PYHIN1: variants seen among roughly 807,000 people sequenced by gnomAD.
PYHIN1 encodes pyrin and HIN domain family member 1, also known as pyrin and HIN domain-containing protein 1.
A neutral mutation model predicts 43.7 loss-of-function variants in PYHIN1; 32 were observed. The ratio of observed to expected loss-of-function variants is 0.73; its 90% CI spans 0.55 to 0.98. The LOEUF is 0.98. Among genes scored for constraint, PYHIN1 ranks in the 50% least tolerant of loss-of-function variants. PYHIN1 has a pLI of 0.00. For missense variants in PYHIN1, 588 were observed against 589.5 expected, an observed-to-expected ratio of 1.00 and a Z score of 0.03; for synonymous variants, 205 against 203.1, an observed-to-expected ratio of 1.01 and a Z score of -0.08.
chr1:158,940,147 A>C (rs1255270958), intron 4 of PYHIN1: 1 of 152,148 alleles, frequency 6.6e-6, no homozygotes, highest in East Asian at 1.9e-4. Flanking sequence ...AATTGCTTGA[A>C]CCAGGGAGGT....
Position 158,975,105 on chromosome 1 carries a change from T to C in PYHIN1, c.*5+1334T>C, listed in dbSNP as rs142079677. Reference sequence around the variant, plus strand: ...TGTCTCCTACACCTAACCTCCCATATAGCCATTTCTTCTTTGATATCTAGC... The same window carrying C: ...TGTCTCCTACACCTAACCTCCCATACAGCCATTTCTTCTTTGATATCTAGC... On this transcript the variant is annotated intron_variant, in intron 8 of 8. Coordinates refer to ENST00000368140, the MANE Select transcript of PYHIN1 (RefSeq NM_152501.5). 3.3e-5 allele frequency among the ~76,000 whole-genome samples: 5 copies of C among 152,138 alleles called. No homozygotes were observed. The East Asian group carries it at 7.7e-4, about 24-fold the overall frequency.
At chr1:158,963,380 G>A (rs1236386432) in intron 7 of PYHIN1, among the ~76,000 whole-genome samples, 4 of 152,050 alleles carry the variant, frequency 2.6e-5, no homozygotes, top group Non-Finnish European at 5.9e-5. Context: ...GTTTCTCTGG[G>A]GTGGACCACC....
chr1:158,935,330 A>T lies in PYHIN1; in HGVS notation c.-20-1561A>T, dbSNP rs1388780285. Among the ~76,000 whole-genome samples the T allele has an allele frequency of 2.0e-5, 3 of 152,230 alleles. No individual in the cohort carries two copies. In the South Asian group the frequency reaches 6.2e-4, roughly 32 times the overall value. On this transcript the variant is annotated intron_variant, in intron 1 of 8. Coordinates refer to ENST00000368140, the MANE Select transcript of PYHIN1 (RefSeq NM_152501.5). ...AAAAAAAAGAATGCAGATTATTCAA[A>T]GTCTTCTGAAACAATACAAGAAGCA...
At chr1:158,975,187 T>A (rs1651184199) in intron 8 of PYHIN1, among the ~76,000 whole-genome samples, 1 of 152,040 alleles carries the variant, frequency 6.6e-6, no homozygotes, top group African/African-American at 2.4e-5. Flanking sequence ...ATTCACTAGC[T>A]CTGAAAGAAG....
chr1:158,939,584 A>G (rs1193944819), intron 4 of PYHIN1: 2 of 1,423,266 alleles, frequency 1.4e-6, no homozygotes, highest in Non-Finnish European at 1.9e-6. Context: ...TCTCTGACAT[A>G]CACCATGCTC....
Position 158,933,817 on chromosome 1 carries a change from G to C in PYHIN1, c.-21+2041G>C, listed in dbSNP as rs1017303845. On this transcript the variant is annotated intron_variant, in intron 1 of 8. Coordinates refer to ENST00000368140, the MANE Select transcript of PYHIN1 (RefSeq NM_152501.5). The surrounding 1 kb of genome is among the most constrained non-coding windows in gnomAD (Gnocchi z 6.3). Reference sequence around the variant, plus strand: ...TTTCTGTTTCTCTTTTCTTTGATCAGGGCTTTCTTTTTAAGTCATAGGCAC... The same window carrying C: ...TTTCTGTTTCTCTTTTCTTTGATCACGGCTTTCTTTTTAAGTCATAGGCAC... 6.6e-6 allele frequency among the ~76,000 whole-genome samples: 1 copy of C among 151,652 alleles called. No individual in the cohort carries two copies. Among genetic ancestry groups the C allele is most frequent in the African/African-American group, 2.4e-5 (1 of 41,302 alleles).
Position 158,967,577 on chromosome 1 carries a change from G to T in PYHIN1, c.1360-6070G>T, listed in dbSNP as rs184126509. Among the ~76,000 whole-genome samples, 57 of 152,100 alleles carry T rather than the reference G, an allele frequency of 3.7e-4. No homozygotes were observed. The East Asian group carries it at 9.3e-3, about 25-fold the overall frequency. ...CAAACTACCAATGACATTCTTCACA[G>T]AATTAGAAAACACGATTTTAAAATT... is the stretch of plus-strand genomic sequence containing the variant. On this transcript the variant is annotated intron_variant, in intron 7 of 8. Transcript: ENST00000368140.
At chr1:158,936,823 T>C in intron 1 of PYHIN1, 68 bp from the exon 2 acceptor site, 2 of 1,036,906 alleles carry the variant, frequency 1.9e-6, no homozygotes, top group Admixed American at 2.9e-5. Flanking sequence ...CTTATTCACA[T>C]AGGCATACAT....
intron 7 of PYHIN1, among the ~76,000 whole-genome samples, chr1:158,950,230 C>G (rs929772974): frequency 3.3e-5 from 5 of 152,176 alleles, no homozygotes; most frequent in Admixed American, 6.5e-5. Flanking sequence ...GAACAATACC[C>G]TAAGTGATTT....
rs1269323471 is a variant in PYHIN1 at position 158,957,298 on chromosome 1, G to T, written c.1359+12256G>T. On this transcript the variant is annotated intron_variant, in intron 7 of 8. Transcript: ENST00000368140. ...CCAAAAAAGAGCCCGCATTGCCAAGGCAATCCTAAGCCAAAAGAACAAAGC... is the reference window on the plus strand; with the variant it reads ...CCAAAAAAGAGCCCGCATTGCCAAGTCAATCCTAAGCCAAAAGAACAAAGC... Among the ~76,000 whole-genome samples, 10 of 151,304 alleles carry T rather than the reference G, an allele frequency of 6.6e-5. No individual in the cohort carries two copies. The East Asian group carries it at 7.8e-4, about 12-fold the overall frequency.
At chr1:158,973,593 C>A (rs1026734087) in intron 7 of PYHIN1, 54 bp from the exon 8 acceptor site, 18 of 1,592,006 alleles carry the variant, frequency 1.1e-5, no homozygotes, top group South Asian at 9.9e-5. Context: ...CAGAAAAAAC[C>A]AGTTCTTTCT....
chr1:158,953,028 T>A (rs1649660560), intron 7 of PYHIN1, among the ~76,000 whole-genome samples: 1 of 152,178 alleles, frequency 6.6e-6, no homozygotes, highest in Admixed American at 6.5e-5. Flanking sequence ...CCCACCCGAA[T>A]ATTGCGCTTT....
rs145640162 is a variant in PYHIN1 at position 158,976,868 on chromosome 1, CTATATATATATA to C, written c.*210_*221del. ...TATGTATATATATCTGGTTGAAATACTATATATATATATATATATATATATATATATATATAT... is the reference window on the plus strand; with the variant it reads ...TATGTATATATATCTGGTTGAAATACTATATATATATATATATATATATAT... On this transcript the variant is annotated 3_prime_UTR_variant, in exon 9 of 9. Coordinates refer to ENST00000368140, the MANE Select transcript of PYHIN1 (RefSeq NM_152501.5). 130 of 232,122 alleles carry C rather than the reference CTATATATATATA, an allele frequency of 5.6e-4. No homozygotes were observed. The highest frequency in any genetic ancestry group is 2.8e-3 in the African/African-American group (98 of 34,508). The allele number at this position is 232,122 out of a possible 1,614,324, so 14.4% of individuals were successfully genotyped here. A position where few individuals can be genotyped will look rare whatever the true frequency, so the allele number is the denominator to read the frequency against.
chr1:158,953,803 G>A (rs1272009118), intron 7 of PYHIN1, among the ~76,000 whole-genome samples: 1 of 151,768 alleles, frequency 6.6e-6, no homozygotes. Flanking sequence ...AAATTACTCT[G>A]AGCTATGGGA....
intron 8 of PYHIN1, among the ~76,000 whole-genome samples, chr1:158,976,383 A>T (rs1209281847): frequency 2.0e-5 from 3 of 152,006 alleles, no homozygotes; most frequent in African/African-American, 7.2e-5. Flanking sequence ...CCCAATGAGA[A>T]GTTTCCCTTT....
downstream of PYHIN1, among the ~76,000 whole-genome samples, chr1:158,980,518 G>A (rs1003564255): frequency 1.3e-5 from 2 of 152,068 alleles, no homozygotes; most frequent in African/African-American, 4.8e-5. Context: ...GGAATGGAAT[G>A]CGTTCCTGGG....
At chr1:158,982,219 T>A in the PYHIN1 span, among the ~76,000 whole-genome samples, 1 of 152,194 alleles carries the variant, frequency 6.6e-6, no homozygotes, top group Admixed American at 6.5e-5. Context: ...CCAAGGCTAA[T>A]GTCCAGAATA....
At chr1:158,982,277 T>C in the PYHIN1 span, among the ~76,000 whole-genome samples, 18 of 152,034 alleles carry the variant, frequency 1.2e-4, no homozygotes, top group East Asian at 3.5e-3. Flanking sequence ...AGGTTTTACA[T>C]ATATAAGTTT....
At chr1:158,977,941 C>A (rs370476860), downstream of PYHIN1, among the ~76,000 whole-genome samples, 40 of 151,990 alleles carry the variant, frequency 2.6e-4, no homozygotes, top group Non-Finnish European at 5.2e-4. Context: ...CTGAAAAGAG[C>A]CTCACTCTCA....
Sources: allele counts gnomAD v4.1 joint callset (sites outside exome capture counted in the v4.1 genomes callset), GRCh38; gene constraint gnomAD v4.1.1; non-coding constraint Gnocchi (gnomAD v3.1); transcripts MANE v1.5; gene names NCBI Gene and HGNC (gene_info 2026-07-23, HGNC 2026-07-21).